The following TTC33 variants were observed in gnomAD, a reference collection of about 807,000 sequenced individuals.
The protein encoded by TTC33 is tetratricopeptide repeat domain 33.
Under a neutral mutation model 29.4 loss-of-function variants are expected in TTC33, and 24 were observed. That is an observed-to-expected ratio of 0.82 (90% CI 0.59 to 1.15). The LOEUF (loss-of-function observed/expected upper bound fraction) is 1.15, where lower values mean the gene tolerates loss of function less well. Among genes scored for constraint, TTC33 ranks in the 50% most tolerant of loss-of-function variants. TTC33 has a pLI of 0.00. For synonymous variants in TTC33, 107 were observed against 100.3 expected, an observed-to-expected ratio of 1.07 and a Z score of -0.40; for missense variants, 286 against 310.4, an observed-to-expected ratio of 0.92 and a Z score of 0.59.
At position 40,715,628 on chromosome 5, in the gene TTC33, A is replaced by T. The variant is rs559592254; in HGVS notation, c.*517T>A. ...TGCATTTTCAGCCAAACTTTCAAAG[A>T]TTCCACATATAACCAAATGACAACT... On this transcript the variant is annotated 3_prime_UTR_variant, in exon 5 of 5. Coordinates refer to ENST00000337702, the MANE Select transcript of TTC33 (RefSeq NM_012382.3). 1.3e-5 allele frequency: 2 copies of T among 152,566 alleles called. No individual in the cohort carries two copies. The highest frequency in any genetic ancestry group is 4.8e-5 in the African/African-American group (2 of 41,588). The allele number at this position is 152,566 out of a possible 1,614,324, so 9.5% of individuals were successfully genotyped here. A position where few individuals can be genotyped will look rare whatever the true frequency, so the allele number is the denominator to read the frequency against.
chr5:40,716,621 C>T, intron 4 of TTC33, 123 bp from the exon 5 acceptor site: 1 of 650,066 alleles, frequency 1.5e-6, no homozygotes, highest in Non-Finnish European at 2.6e-6. Flanking sequence ...TCTTAATGTA[C>T]TAGAACACAA....
chr5:40,752,344 TC>T (rs35197855), intron 1 of TTC33, among the ~76,000 whole-genome samples: 12 of 152,238 alleles, frequency 7.9e-5, no homozygotes, highest in Admixed American at 3.3e-4. Flanking sequence ...GAAGAACTTT[TC>T]CTTTGCATTC....
intron 1 of TTC33, among the ~76,000 whole-genome samples, chr5:40,747,707 GGAAA>G (rs1357500424): frequency 6.6e-5 from 10 of 152,180 alleles, no homozygotes; most frequent in Non-Finnish European, 1.5e-4. Flanking sequence ...TAAACTGCCA[GGAAA>G]GAAAGAAGAG....
At chr5:40,732,526 G>C (rs1438656537) in intron 2 of TTC33, among the ~76,000 whole-genome samples, 1 of 151,688 alleles carries the variant, frequency 6.6e-6, no homozygotes, top group Non-Finnish European at 1.5e-5. Flanking sequence ...TCTCTAATGA[G>C]TTCAGGAACC....
At chr5:40,728,564 A>AT in intron 3 of TTC33, 88 bp from the exon 4 acceptor site, 1 of 1,279,502 alleles carries the variant, frequency 7.8e-7, no homozygotes, top group East Asian at 2.6e-5. Context: ...TTTAAGATAT[A>AT]TTTTTAGTCC....
At chr5:40,740,051 A>T (rs957253502) in intron 2 of TTC33, among the ~76,000 whole-genome samples, 1 of 152,140 alleles carries the variant, frequency 6.6e-6, no homozygotes, top group African/African-American at 2.4e-5. Context: ...TTTGAATACA[A>T]CATAACAGCC....
At chr5:40,749,409 A>T (rs908966294) in intron 1 of TTC33, among the ~76,000 whole-genome samples, 6 of 152,192 alleles carry the variant, frequency 3.9e-5, no homozygotes, top group African/African-American at 1.4e-4. Flanking sequence ...TATAACCACA[A>T]GGAGATTTTG....
intron 2 of TTC33, among the ~76,000 whole-genome samples, chr5:40,739,341 G>A (rs948775870): frequency 2.0e-5 from 3 of 152,098 alleles, no homozygotes; most frequent in Admixed American, 6.5e-5. Context: ...GATCAATTTC[G>A]GGAGAACTGA....
chr5:40,738,075 G>C (rs1326664338), intron 2 of TTC33, among the ~76,000 whole-genome samples: 2 of 152,080 alleles, frequency 1.3e-5, no homozygotes, highest in South Asian at 2.1e-4. Context: ...TTAGTATCTA[G>C]GAATAAAACT....
intron 2 of TTC33, among the ~76,000 whole-genome samples, chr5:40,742,087 A>G (rs535442463): frequency 3.9e-5 from 6 of 152,222 alleles, no homozygotes; most frequent in Admixed American, 1.3e-4. Context: ...CTACTGTCCA[A>G]TGGTTGAAAA....
Position 40,737,680 on chromosome 5 carries a change from A to G in TTC33, c.222-7337T>C, listed in dbSNP as rs145573741. Among the ~76,000 whole-genome samples the G allele has an allele frequency of 4.2e-3, 647 of 152,298 alleles. 1 individual carries two copies. Among genetic ancestry groups the G allele is most frequent in the African/African-American group, 0.013 (541 of 41,548 alleles). On this transcript the variant is annotated intron_variant, in intron 2 of 4. Coordinates refer to ENST00000337702, the MANE Select transcript of TTC33 (RefSeq NM_012382.3). ...ATATACTCATGTAAATACAACCACA[A>G]CCATCACAATAAAGAACATTTTTGT...
chr5:40,746,698 A>T, intron 2 of TTC33, 100 bp downstream of exon 2: 4 of 915,258 alleles, frequency 4.4e-6, no homozygotes, highest in Non-Finnish European at 6.4e-6. Context: ...ATAGATTTTT[A>T]AACATGAATT....
In TTC33 at chr5:40,713,459, A is replaced by G. The variant is rs1263281183; in HGVS notation, c.*2686T>C. 2.0e-5 allele frequency among the ~76,000 whole-genome samples: 3 copies of G among 152,196 alleles called. No individual in the cohort carries two copies. The highest frequency in any genetic ancestry group is 2.9e-5 in the Non-Finnish European group (2 of 68,006). On this transcript the variant is annotated 3_prime_UTR_variant, in exon 5 of 5. Coordinates refer to ENST00000337702, the MANE Select transcript of TTC33 (RefSeq NM_012382.3). ...CGGCATCAATTCAAAAGATTGTCAT[A>G]CTGAAACCACTGCCATAAAATTTTG... is the stretch of plus-strand genomic sequence containing the variant.
chr5:40,747,471 T>C (rs1044799911), intron 1 of TTC33, among the ~76,000 whole-genome samples: 1 of 152,144 alleles, frequency 6.6e-6, no homozygotes, highest in Non-Finnish European at 1.5e-5. Context: ...TAATCATCAA[T>C]GGCCACTAAC....
chr5:40,730,256 T>G lies in TTC33; in HGVS notation c.303+6A>C. 6.3e-7 allele frequency: 1 copy of G among 1,592,500 alleles called. No homozygotes were observed. The highest frequency in any genetic ancestry group is 8.6e-7 in the Non-Finnish European group (1 of 1,165,512). On this transcript the variant is annotated splice_donor_region_variant and intron_variant, in intron 3 of 4. Transcript: ENST00000337702. The stretch of plus-strand genomic sequence containing the variant: ...TAAGGAAAGTGAAATTCTTCATAAT[T>G]ATTACCTGTGATTTCATCTCGTATA...
chr5:40,716,143 C>T lies in TTC33; in HGVS notation c.*2G>A. On this transcript the variant is annotated 3_prime_UTR_variant, in exon 5 of 5. Transcript: ENST00000337702. ...GATTCAAATAATCCTATGCATACTGCTTCATCGGGCTTTGATAAAAACAGA... is the reference window on the plus strand; with the variant it reads ...GATTCAAATAATCCTATGCATACTGTTTCATCGGGCTTTGATAAAAACAGA... The T allele has an allele frequency of 6.3e-7, 1 of 1,591,552 alleles. No individual in the cohort carries two copies. Among genetic ancestry groups the T allele is most frequent in the Non-Finnish European group, 8.6e-7 (1 of 1,167,438 alleles).
At chr5:40,736,306 C>CT (rs1742550351) in intron 2 of TTC33, among the ~76,000 whole-genome samples, 1 of 152,204 alleles carries the variant, frequency 6.6e-6, no homozygotes. Flanking sequence ...TGTGAGTAAT[C>CT]TGCAGAATGT....
rs1047488791 is a variant in TTC33 at position 40,712,833 on chromosome 5, C to T, written c.*3312G>A. ...AGCCATCCTTACCCGCCGCTGCCTT[C>T]TGACCAAAGTAGTTCATATATAGTG... On this transcript the variant is annotated 3_prime_UTR_variant, in exon 5 of 5. Coordinates refer to ENST00000337702, the MANE Select transcript of TTC33 (RefSeq NM_012382.3). Among the ~76,000 whole-genome samples, 6 of 152,174 alleles carry T rather than the reference C, an allele frequency of 3.9e-5. No homozygotes were observed. The highest frequency in any genetic ancestry group is 7.3e-5 in the Non-Finnish European group (5 of 68,032).
intron 2 of TTC33, among the ~76,000 whole-genome samples, chr5:40,740,148 CTGT>C (rs1415968711): frequency 1.3e-5 from 2 of 151,764 alleles, no homozygotes; most frequent in East Asian, 1.9e-4. Context: ...CAAAATGTTG[CTGT>C]TGTTATTTAA....
Sources: gnomAD v4.1 joint callset for allele counts (sites outside exome capture counted in the v4.1 genomes callset) on GRCh38, gnomAD v4.1.1 for gene constraint, MANE v1.5 for transcripts, NCBI Gene and HGNC (gene_info 2026-07-23, HGNC 2026-07-21) for gene names.